Variants in OR6P1 observed in about 807,000 individuals in gnomAD.
The protein encoded by OR6P1 is olfactory receptor 6P1.
A neutral mutation model predicts 6.6 loss-of-function variants in OR6P1; 5 were observed. The ratio of observed to expected loss-of-function variants is 0.76; its 90% CI spans 0.40 to 1.60. The LOEUF (loss-of-function observed/expected upper bound fraction) is 1.60. Among genes scored for constraint, OR6P1 ranks in the 40% most tolerant of loss-of-function variants. The pLI is 0.02. For synonymous variants in OR6P1, 177 were observed against 149.6 expected, an observed-to-expected ratio of 1.18 and a Z score of -1.33; for missense variants, 451 against 383.0, an observed-to-expected ratio of 1.18 and a Z score of -1.48.
Position 158,562,823 on chromosome 1 carries a change from C to A in OR6P1, c.782G>T (p.Arg261Leu). Residue 261 changes from arginine (R) to leucine (L), a missense_variant, in exon 3 of 3, where the codon CGG becomes CTG. Coordinates refer to ENST00000641540, the MANE Select transcript of OR6P1 (RefSeq NM_001160325.2). ...YYSSTLFTYARPRAMYTFNHN... is the reference protein window; with the variant it reads ...YYSSTLFTYALPRAMYTFNHN... The stretch of plus-strand genomic sequence containing the variant: ...GTTGAAGGTGTACATGGCCCGGGGC[C>A]GTGCATAGGTGAAGAGAGTGGAGGA... 6.4e-7 allele frequency: 1 copy of A among 1,552,002 alleles called. No homozygotes were observed. The highest frequency in any genetic ancestry group is 8.7e-7 in the Non-Finnish European group (1 of 1,147,102).
chr1:158,563,706 C>T, intron 2 of OR6P1, 80 bp from the exon 3 acceptor site: 6 of 704,940 alleles, frequency 8.5e-6, no homozygotes, highest in Non-Finnish European at 1.4e-5. Flanking sequence ...AGGTTATAAC[C>T]ACTGAAGAGC....
rs781658661 is a variant in OR6P1 at position 158,563,263 on chromosome 1, C to G, written c.342G>C (p.Leu114=). ...AGCGATCATAGGCCATAACTGCCAA[C>G]AGCACACATTCAGTACAGGCTAAGG... is the stretch of plus-strand genomic sequence containing the variant. The part of the protein sequence containing the change: ...FIALACTECV[L]LAVMAYDRYL... Residue 114 remains leucine, a synonymous_variant, in exon 3 of 3, where the codon CTG becomes CTC. Transcript: ENST00000641540. 1.3e-6 allele frequency: 2 copies of G among 1,551,660 alleles called. No individual in the cohort carries two copies. The highest frequency in any genetic ancestry group is 1.2e-5 in the South Asian group (1 of 84,040).
Position 158,563,200 on chromosome 1 carries a change from G to A in OR6P1, c.405C>T (p.Leu135=), listed in dbSNP as rs749198706. 5.8e-6 allele frequency: 9 copies of A among 1,551,344 alleles called. No individual in the cohort carries two copies. The African/African-American group carries it at 9.6e-5, about 17-fold the overall frequency. ...GGCGAGTGGCCAGACTGGAAGGCATGAGACTAGGGTAAAGGAGGGGTCCAC... is the reference window on the plus strand; with the variant it reads ...GGCGAGTGGCCAGACTGGAAGGCATAAGACTAGGGTAAAGGAGGGGTCCAC... ...AICGPLLYPS[L]MPSSLATRLA... is the part of the protein sequence containing the mutation. Residue 135 remains leucine (L), a synonymous_variant, in exon 3 of 3, where the codon CTC becomes CTT. Coordinates refer to ENST00000641540, the MANE Select transcript of OR6P1 (RefSeq NM_001160325.2).
intron 1 of OR6P1, among the ~76,000 whole-genome samples, chr1:158,567,241 C>T (rs2101718406): frequency 6.6e-6 from 1 of 152,172 alleles, no homozygotes; most frequent in African/African-American, 2.4e-5. Flanking sequence ...TGTGGTGATT[C>T]CTCAGGGATC....
rs573271740 is a variant in OR6P1 at position 158,564,049 on chromosome 1, G to A, written c.-22-423C>T. The stretch of plus-strand genomic sequence containing the variant: ...ACAAGCTTATTTCTCAAGGGAAATT[G>A]TACTAAGGGGAAGTAATAACTCAAG... On this transcript the variant is annotated intron_variant, in intron 2 of 2. Transcript: ENST00000641540. Among the ~76,000 whole-genome samples the A allele has an allele frequency of 2.0e-3, 307 of 152,276 alleles. 2 individuals are homozygous for A. Among genetic ancestry groups the A allele is most frequent in the Non-Finnish European group, 1.9e-3 (128 of 68,018 alleles).
In OR6P1 at chr1:158,563,497, A is replaced by T; in HGVS notation, c.108T>A (p.Leu36=). The T allele has an allele frequency of 6.4e-7, 1 of 1,551,444 alleles. No individual in the cohort carries two copies. ...TAAGTGCATTCTCCAACAATGTCAGAAGGTAAATTGCAAAAAAAAGGACAA... is the reference window on the plus strand; with the variant it reads ...TAAGTGCATTCTCCAACAATGTCAGTAGGTAAATTGCAAAAAAAAGGACAA... ...LLFVLFFAIY[L]LTLLENALIV... The change falls in exon 3 of 3, where the codon CTT becomes CTA. Residue 36 remains leucine (L), a synonymous_variant. Transcript: ENST00000641540.
intron 2 of OR6P1, among the ~76,000 whole-genome samples, chr1:158,565,420 A>G (rs1648073276): frequency 6.6e-6 from 1 of 152,166 alleles, no homozygotes; most frequent in Admixed American, 6.5e-5. Context: ...TATTTCACCA[A>G]AGTCACAATT....
intron 2 of OR6P1, among the ~76,000 whole-genome samples, chr1:158,566,283 C>A (rs1401141399): frequency 1.3e-5 from 2 of 151,868 alleles, no homozygotes; most frequent in African/African-American, 4.8e-5. Flanking sequence ...ATTTTTATAC[C>A]CTCAAGTGTC....
rs1648006884 is a variant in OR6P1, at chr1:158,563,276, G to A, written c.329C>T (p.Thr110Ile). The A allele has an allele frequency of 6.4e-7, 1 of 1,551,586 alleles. No homozygotes were observed. Among genetic ancestry groups the A allele is most frequent in the South Asian group, 1.2e-5 (1 of 84,050 alleles). The stretch of plus-strand genomic sequence containing the variant: ...CATAACTGCCAACAGCACACATTCA[G>A]TACAGGCTAAGGCAATAAAGAAGTA... Reference protein sequence around the residue: ...QLYFFIALACTECVLLAVMAY... With the variant: ...QLYFFIALACIECVLLAVMAY... Residue 110 changes from threonine to isoleucine, a missense_variant, in exon 3 of 3, where the codon ACT (threonine) becomes ATT (isoleucine). Coordinates refer to ENST00000641540, the MANE Select transcript of OR6P1 (RefSeq NM_001160325.2).
rs777546764 is a variant in OR6P1 at position 158,562,822 on chromosome 1, CCGTG to C, written c.779_782del (p.Ala260GlyfsTer32). The C allele has an allele frequency of 5.8e-6, 9 of 1,551,908 alleles. No homozygotes were observed. In the African/African-American group the frequency reaches 1.1e-4, roughly 19 times the overall value. On this transcript the variant is annotated frameshift_variant, in exon 3 of 3. Coordinates refer to ENST00000641540, the MANE Select transcript of OR6P1 (RefSeq NM_001160325.2). LOFTEE classifies it high-confidence loss of function. ...GGTTGAAGGTGTACATGGCCCGGGGCCGTGCATAGGTGAAGAGAGTGGAGGAGTA... is the reference window on the plus strand; with the variant it reads ...GGTTGAAGGTGTACATGGCCCGGGGCCATAGGTGAAGAGAGTGGAGGAGTA...
rs1254655811 is a variant in OR6P1 at position 158,561,685 on chromosome 1, C to A, written c.*966G>T. 3 of 152,142 alleles carry A rather than the reference C, an allele frequency of 2.0e-5. No individual in the cohort carries two copies. The highest frequency in any genetic ancestry group is 4.4e-5 in the Non-Finnish European group (3 of 68,014). 9.4% of individuals were successfully genotyped at this position (152,142 alleles called of 1,614,324 possible). On this transcript the variant is annotated 3_prime_UTR_variant, in exon 3 of 3. Transcript: ENST00000641540. ...AGTAACTTTCCAAAAATCAAAGGAA[C>A]TTGCTAGAATACCTATGATTCAGGC...
chr1:158,563,388 A>G lies in OR6P1; in HGVS notation c.217T>C (p.Tyr73His). ...LGHLSFLELW[Y>H]INVTIPRLLA... ...AGCCGAGGAATGGTGACATTGATGT[A>G]CCATAGCTCCAGGAAAGAGAGATGG... The change falls in exon 3 of 3, where the codon TAC becomes CAC. Residue 73 changes from tyrosine (Y) to histidine (H), a missense_variant. Tyr to His is a moderately conservative substitution (Grantham distance 83, BLOSUM62 2). Coordinates refer to ENST00000641540, the MANE Select transcript of OR6P1 (RefSeq NM_001160325.2). 1 of 1,551,592 alleles carries G rather than the reference A, an allele frequency of 6.4e-7. No individual in the cohort carries two copies. Among genetic ancestry groups the G allele is most frequent in the Non-Finnish European group, 8.7e-7 (1 of 1,146,916 alleles).
At chr1:158,569,942 C>T (rs1475929475) in intron 1 of OR6P1, among the ~76,000 whole-genome samples, 1 of 152,092 alleles carries the variant, frequency 6.6e-6, no homozygotes. Flanking sequence ...TTTGTCTTCT[C>T]TGTGTATGGC....
Position 158,562,325 on chromosome 1 carries a change from A to G in OR6P1, c.*326T>C. 3.7e-6 allele frequency: 1 copy of G among 272,686 alleles called. No homozygotes were observed. Among genetic ancestry groups the G allele is most frequent in the Middle Eastern group, 1.2e-3 (1 of 840 alleles). 16.9% of individuals were successfully genotyped at this position (272,686 alleles called of 1,614,324 possible). On this transcript the variant is annotated 3_prime_UTR_variant, in exon 3 of 3. Coordinates refer to ENST00000641540, the MANE Select transcript of OR6P1 (RefSeq NM_001160325.2). ...GGGAATCCCAAACTGTCTATGAAAT[A>G]GGAATTCCCAGGAAGTTTTGAATAT...
rs1647976755 is a variant in OR6P1 at position 158,562,469 on chromosome 1, T to C, written c.*182A>G. On this transcript the variant is annotated 3_prime_UTR_variant, in exon 3 of 3. Transcript: ENST00000641540. ...TCTTCTGTAGCTAGTCCAACCTTAG[T>C]TTGAAAACCCCTGTAAAAAATAAAT... 1.7e-6 allele frequency: 1 copy of C among 573,614 alleles called. No individual in the cohort carries two copies. The highest frequency in any genetic ancestry group is 1.9e-5 in the African/African-American group (1 of 53,226). 35.5% of individuals were successfully genotyped at this position (573,614 alleles called of 1,614,324 possible).
At chr1:158,566,027 C>T (rs1028652303) in intron 2 of OR6P1, among the ~76,000 whole-genome samples, 1 of 152,056 alleles carries the variant, frequency 6.6e-6, no homozygotes, top group African/African-American at 2.4e-5. Flanking sequence ...GATTTGATAC[C>T]CAGTTATTAG....
chr1:158,566,165 G>A (rs937367142), intron 2 of OR6P1, among the ~76,000 whole-genome samples: 1 of 152,160 alleles, frequency 6.6e-6, no homozygotes, highest in Non-Finnish European at 1.5e-5. Flanking sequence ...GAAAGGAAAG[G>A]ACACTTTCTC....
chr1:158,567,538 G>A (rs1471008734), intron 1 of OR6P1, among the ~76,000 whole-genome samples: 18 of 145,972 alleles, frequency 1.2e-4, no homozygotes, highest in South Asian at 9.0e-4. Context: ...GTAAACTATC[G>A]CAAGAACAAA....
intron 1 of OR6P1, among the ~76,000 whole-genome samples, chr1:158,569,245 A>T (rs1648181055): frequency 6.6e-6 from 1 of 152,202 alleles, no homozygotes; most frequent in Non-Finnish European, 1.5e-5. Flanking sequence ...GAAACCATGT[A>T]GATATCACTT....
Sources: allele counts gnomAD v4.1 joint callset (sites outside exome capture counted in the v4.1 genomes callset), GRCh38; gene constraint gnomAD v4.1.1; transcripts MANE v1.5; gene names NCBI Gene and HGNC (gene_info 2026-07-23, HGNC 2026-07-21).